Variants in HECTD2 observed in about 807,000 individuals in gnomAD.
The protein encoded by HECTD2 is HECT domain E3 ubiquitin protein ligase 2.
A neutral mutation model predicts 103.2 loss-of-function variants in HECTD2; 35 were observed. The observed-to-expected ratio is 0.34, with a 90% confidence interval of 0.26 to 0.45. The LOEUF is 0.45. Among genes scored for constraint, HECTD2 ranks in the 20% least tolerant of loss-of-function variants. The pLI is 1.00. For synonymous variants in HECTD2, 281 were observed against 329.9 expected, an observed-to-expected ratio of 0.85 and a Z score of 1.61; for missense variants, 596 against 937.4, an observed-to-expected ratio of 0.64 and a Z score of 4.76.
intron 2 of HECTD2, among the ~76,000 whole-genome samples, chr10:91,429,072 G>A (rs1473320550): frequency 6.6e-6 from 1 of 152,032 alleles, no homozygotes; most frequent in East Asian, 1.9e-4. Context: ...AATTTATTGA[G>A]AGTTTTTAGC....
chr10:91,470,166 AAACT>A (rs1350949100), intron 5 of HECTD2, among the ~76,000 whole-genome samples: 1 of 152,212 alleles, frequency 6.6e-6, no homozygotes, highest in Non-Finnish European at 1.5e-5. Flanking sequence ...ATTGAGGAAG[AAACT>A]AACAAAGATA....
chr10:91,496,039 A>G (rs1281783309), intron 14 of HECTD2, among the ~76,000 whole-genome samples, 175 bp from the exon 15 acceptor site: 1 of 152,176 alleles, frequency 6.6e-6, no homozygotes, highest in Non-Finnish European at 1.5e-5. Flanking sequence ...TCAAGGAATT[A>G]TATTATGTAA....
chr10:91,507,114 G>A (rs1847217660), intron 20 of HECTD2, among the ~76,000 whole-genome samples: 1 of 152,056 alleles, frequency 6.6e-6, no homozygotes, highest in Non-Finnish European at 1.5e-5. Flanking sequence ...AGGTATTGAT[G>A]GGACATATTT....
Position 91,481,599 on chromosome 10 carries a change from G to GT in HECTD2, c.711+469dup, listed in dbSNP as rs998344448. 1.1e-3 allele frequency among the ~76,000 whole-genome samples: 169 copies of GT among 149,866 alleles called. 1 individual carries two copies. The highest frequency in any genetic ancestry group is 6.9e-3 in the Middle Eastern group (2 of 288). On this transcript the variant is annotated intron_variant, in intron 7 of 20. Transcript: ENST00000298068. The stretch of plus-strand genomic sequence containing the variant: ...TAGAATTCTTATGGAAAGATAAAAG[G>GT]TTTTTTTTTAATTTGTTATAAAGCG...
chr10:91,486,927 G>A (rs1339139360), intron 10 of HECTD2: 1 of 152,024 alleles, frequency 6.6e-6, no homozygotes, highest in African/African-American at 2.4e-5. Flanking sequence ...TATGCTCAGA[G>A]GGATTCCAGC....
At chr10:91,430,716 G>C (rs1183187459) in intron 2 of HECTD2, among the ~76,000 whole-genome samples, 1 of 151,366 alleles carries the variant, frequency 6.6e-6, no homozygotes, top group Non-Finnish European at 1.5e-5. Flanking sequence ...GCCTTTTTTT[G>C]TTTTCCATTT....
intron 2 of HECTD2, among the ~76,000 whole-genome samples, chr10:91,429,558 C>G (rs1325040047): frequency 6.6e-6 from 1 of 152,152 alleles, no homozygotes; most frequent in Non-Finnish European, 1.5e-5. Context: ...ATTTCAGATC[C>G]TGTTATTGGC....
intron 11 of HECTD2, chr10:91,488,025 A>G (rs965333339): frequency 5.1e-5 from 13 of 255,246 alleles, no homozygotes; most frequent in Non-Finnish European, 8.2e-5. Flanking sequence ...TGCTTCTCAC[A>G]GATTCAAATT....
intron 5 of HECTD2, among the ~76,000 whole-genome samples, chr10:91,464,127 T>C (rs1410194224): frequency 6.6e-6 from 1 of 152,218 alleles, no homozygotes; most frequent in African/African-American, 2.4e-5. Context: ...AAATTCTAAA[T>C]GATAACCACT....
chr10:91,482,931 G>T, intron 7 of HECTD2, 36 bp from the exon 8 acceptor site: 1 of 989,440 alleles, frequency 1.0e-6, no homozygotes, highest in South Asian at 1.6e-5. Flanking sequence ...CGTGTTAACA[G>T]AATTTTAACA....
intron 14 of HECTD2, 41 bp downstream of exon 14, chr10:91,493,549 G>GATTTTTAA (rs777317735): frequency 1.9e-6 from 2 of 1,043,994 alleles, no homozygotes; most frequent in Non-Finnish European, 2.8e-6. Flanking sequence ...TAATAGATTA[G>GATTTTTAA]AGATTTTTAA....
chr10:91,462,598 G>C (rs952375512), intron 5 of HECTD2: 5 of 1,044,176 alleles, frequency 4.8e-6, no homozygotes, highest in Non-Finnish European at 5.8e-6. Flanking sequence ...ATTTTCATTT[G>C]TAACAAGTTC....
chr10:91,474,435 T>C (rs1845836721), intron 5 of HECTD2, among the ~76,000 whole-genome samples: 1 of 152,134 alleles, frequency 6.6e-6, no homozygotes, highest in South Asian at 2.1e-4. Context: ...CCAGACACCT[T>C]CTAAACCAAA....
rs1231441062 is a variant in HECTD2 at position 91,513,463 on chromosome 10, G to GTTTGT, written c.*1083_*1087dup. The GTTTGT allele has an allele frequency of 1.3e-5, 2 of 152,506 alleles. No homozygotes were observed. Among genetic ancestry groups the GTTTGT allele is most frequent in the African/African-American group, 4.8e-5 (2 of 41,420 alleles). 9.4% of individuals were successfully genotyped at this position (152,506 alleles called of 1,614,324 possible). A position where few individuals can be genotyped will look rare whatever the true frequency, so the allele number is the denominator to read the frequency against. ...TAAAATTCAACGTTTTGGCCAAAATGTTTGTTTTTCACTGGATTCTGAATA... is the reference window on the plus strand; with the variant it reads ...TAAAATTCAACGTTTTGGCCAAAATGTTTGTTTTGTTTTTCACTGGATTCTGAATA... On this transcript the variant is annotated 3_prime_UTR_variant, in exon 21 of 21. Coordinates refer to ENST00000298068, the MANE Select transcript of HECTD2 (RefSeq NM_182765.6).
At chr10:91,484,795 T>C (rs1416106831) in intron 9 of HECTD2, 140 bp downstream of exon 9, 3 of 675,356 alleles carry the variant, frequency 4.4e-6, no homozygotes, top group Non-Finnish European at 7.1e-6. Flanking sequence ...ATTTATTTTC[T>C]ACTTTGATAA....
intron 5 of HECTD2, among the ~76,000 whole-genome samples, chr10:91,465,258 G>T (rs1309329476): frequency 2.6e-5 from 4 of 152,134 alleles, no homozygotes; most frequent in Admixed American, 2.6e-4. Context: ...AAACAGTTCT[G>T]GGAATTGAAT....
chr10:91,484,675 T>C lies in HECTD2; in HGVS notation c.970+20T>C, dbSNP rs757185915. 4.7e-5 allele frequency: 73 copies of C among 1,564,668 alleles called. No individual in the cohort carries two copies. The highest frequency in any genetic ancestry group is 6.0e-5 in the Non-Finnish European group (69 of 1,157,986). On this transcript the variant is annotated intron_variant, in intron 9 of 20. Coordinates refer to ENST00000298068, the MANE Select transcript of HECTD2 (RefSeq NM_182765.6). ...TACTTAGTAGGTTTTTATTATTCTATCATTTTTTACTTTTCTTTTGTTACA... is the reference window on the plus strand; with the variant it reads ...TACTTAGTAGGTTTTTATTATTCTACCATTTTTTACTTTTCTTTTGTTACA...
chr10:91,473,161 C>G (rs1042736368), intron 5 of HECTD2, among the ~76,000 whole-genome samples: 1 of 151,926 alleles, frequency 6.6e-6, no homozygotes, highest in African/African-American at 2.4e-5. Flanking sequence ...AAAAGACATG[C>G]AGACAAAGTA....
chr10:91,504,644 C>T (rs868081488), intron 20 of HECTD2, among the ~76,000 whole-genome samples: 573 of 137,982 alleles, frequency 4.2e-3, no homozygotes, highest in African/African-American at 0.011. Context: ...ACCAAATCTA[C>T]GTCTGATTGG....
Sources: allele counts gnomAD v4.1 joint callset (sites outside exome capture counted in the v4.1 genomes callset), GRCh38; gene constraint gnomAD v4.1.1; transcripts MANE v1.5; gene names NCBI Gene and HGNC (gene_info 2026-07-23, HGNC 2026-07-21).